Variants in L3MBTL3 observed in about 807,000 individuals in gnomAD.
L3MBTL3 encodes L3MBTL histone methyl-lysine binding protein 3, also known as lethal(3)malignant brain tumor-like protein 3.
L3MBTL3 carries 27 observed loss-of-function variants against 102.3 expected under a neutral mutation model. That is an observed-to-expected ratio of 0.26 (90% CI 0.19 to 0.36). The LOEUF (loss-of-function observed/expected upper bound fraction) is 0.36. L3MBTL3 is among the 10% of genes least tolerant of loss of function. The pLI is 1.00. For missense variants in L3MBTL3, 798 were observed against 955.3 expected (o/e 0.84, Z 2.17); for synonymous variants, 340 against 320.9 (o/e 1.06, Z -0.64).
chr6:130,052,799 C>A, intron 6 of L3MBTL3, 60 bp from the exon 7 acceptor site: 1 of 1,525,960 alleles, frequency 6.6e-7, no homozygotes, highest in Non-Finnish European at 8.8e-7. Context: ...TGATAATCAA[C>A]AAGTAGATGT....
intron 19 of L3MBTL3, among the ~76,000 whole-genome samples, chr6:130,111,871 C>T (rs562867171): frequency 1.3e-4 from 20 of 152,142 alleles, no homozygotes; most frequent in Middle Eastern, 3.2e-3. Flanking sequence ...AATGACTTCC[C>T]GTTATTCTTG....
At chr6:130,099,023 A>T (rs1012964014) in intron 18 of L3MBTL3, among the ~76,000 whole-genome samples, 1 of 151,994 alleles carries the variant, frequency 6.6e-6, no homozygotes, top group Non-Finnish European at 1.5e-5. Context: ...TAAAAATTAC[A>T]ATTAAAAGGG....
chr6:130,136,879 A>G (rs1787741097), intron 22 of L3MBTL3, among the ~76,000 whole-genome samples: 2 of 152,020 alleles, frequency 1.3e-5, no homozygotes, highest in African/African-American at 4.8e-5. Context: ...CAGCCTCCCA[A>G]AGTGCTGCAA....
chr6:130,123,820 C>G (rs1786409573), intron 20 of L3MBTL3, among the ~76,000 whole-genome samples: 1 of 152,026 alleles, frequency 6.6e-6, no homozygotes, highest in South Asian at 2.1e-4. Context: ...GGTCCGAAAC[C>G]AAGGCTTATA....
intron 17 of L3MBTL3, among the ~76,000 whole-genome samples, chr6:130,093,812 G>T (rs777071646): frequency 2.0e-5 from 3 of 152,210 alleles, no homozygotes; most frequent in Non-Finnish European, 4.4e-5. Context: ...TCAGAATGAG[G>T]GAGGGTCTGC....
chr6:130,110,760 T>C (rs1269861616), intron 19 of L3MBTL3, among the ~76,000 whole-genome samples: 1 of 152,248 alleles, frequency 6.6e-6, no homozygotes, highest in Non-Finnish European at 1.5e-5. Flanking sequence ...AGGGCATCCT[T>C]GTCTTGTGCC....
chr6:130,094,363 C>T lies in L3MBTL3; in HGVS notation c.1732C>T (p.His578Tyr), dbSNP rs760378260. Residue 578 changes from histidine to tyrosine, a missense_variant, in exon 18 of 23, where the codon CAC becomes TAC. His to Tyr is a moderately conservative substitution (Grantham distance 83). Transcript: ENST00000361794. ...CAAGAGAGCGAGACATCTGGGCCCT[C>T]ACAGGTATGTGGTAGCTGTCACTCA... ...HFKRARHLGP[H>Y]SAANCPYSEI... The T allele has an allele frequency of 2.5e-6, 4 of 1,612,072 alleles. No homozygotes were observed. The highest frequency in any genetic ancestry group is 1.7e-5 in the Admixed American group (1 of 59,950).
rs143825591 is a variant in L3MBTL3 at position 130,125,480 on chromosome 6, A to T, written c.1966+4522A>T. 1.2e-4 allele frequency among the ~76,000 whole-genome samples: 19 copies of T among 152,204 alleles called. No homozygotes were observed. In the South Asian group the frequency reaches 1.5e-3, roughly 12 times the overall value. On this transcript the variant is annotated intron_variant, in intron 20 of 22. Transcript: ENST00000361794. Reference sequence around the variant, plus strand: ...TCTAGAACTTTTTATCAGAGGCCCCATGGTAATTGTTTTCTGTTTGATCAT... The same window carrying T: ...TCTAGAACTTTTTATCAGAGGCCCCTTGGTAATTGTTTTCTGTTTGATCAT...
intron 19 of L3MBTL3, among the ~76,000 whole-genome samples, chr6:130,108,814 C>A (rs1785163584): frequency 6.6e-6 from 1 of 152,032 alleles, no homozygotes; most frequent in East Asian, 1.9e-4. Flanking sequence ...TTTTAAGCCC[C>A]ACATGCCTTA....
intron 9 of L3MBTL3, among the ~76,000 whole-genome samples, chr6:130,058,117 T>TC (rs1434228937): frequency 7.9e-6 from 1 of 127,112 alleles, no homozygotes; most frequent in African/African-American, 3.3e-5. Flanking sequence ...CAGTCCGCAG[T>TC]CCGGCCTGGG....
chr6:130,127,569 G>C (rs542711257), intron 20 of L3MBTL3, among the ~76,000 whole-genome samples: 2 of 152,118 alleles, frequency 1.3e-5, no homozygotes, highest in East Asian at 3.9e-4. Flanking sequence ...AATAGAGGCA[G>C]GCCTTTATCA....
intron 5 of L3MBTL3, among the ~76,000 whole-genome samples, chr6:130,050,948 T>G (rs546425794): frequency 1.3e-5 from 2 of 152,244 alleles, no homozygotes; most frequent in African/African-American, 4.8e-5. Context: ...TAGATCGATA[T>G]ATGCGTCTTC....
chr6:130,104,923 C>T (rs1183637714), intron 19 of L3MBTL3, among the ~76,000 whole-genome samples: 1 of 152,046 alleles, frequency 6.6e-6, no homozygotes, highest in Admixed American at 6.6e-5. Context: ...CAACCTTTAT[C>T]AGTAAAGTAG....
At chr6:130,023,968 T>A (rs1322037449) in intron 2 of L3MBTL3, among the ~76,000 whole-genome samples, 2 of 152,152 alleles carry the variant, frequency 1.3e-5, no homozygotes, top group African/African-American at 4.8e-5. Context: ...AACCGGAAAT[T>A]TATTTATCCC....
At chr6:130,072,637 A>AGTC (rs1484229672) in intron 13 of L3MBTL3, among the ~76,000 whole-genome samples, 5 of 152,066 alleles carry the variant, frequency 3.3e-5, no homozygotes, top group African/African-American at 1.2e-4. Context: ...AACAATTATC[A>AGTC]ACTTATATCC....
At chr6:130,114,176 C>A (rs1009754205) in intron 19 of L3MBTL3, among the ~76,000 whole-genome samples, 1 of 152,138 alleles carries the variant, frequency 6.6e-6, no homozygotes, top group Admixed American at 6.5e-5. Flanking sequence ...TGTTTATGTA[C>A]CCCAAAGAGT....
At chr6:130,032,914 G>A (rs112082838) in intron 2 of L3MBTL3, among the ~76,000 whole-genome samples, 15 of 152,298 alleles carry the variant, frequency 9.8e-5, no homozygotes, top group African/African-American at 3.1e-4. Context: ...GACCGCTTGA[G>A]CCCAGGAGGT....
At chr6:130,090,171 C>T (rs371459524) in intron 16 of L3MBTL3, among the ~76,000 whole-genome samples, 1 of 151,462 alleles carries the variant, frequency 6.6e-6, no homozygotes, top group Non-Finnish European at 1.5e-5. Context: ...AAGAAAGACT[C>T]ATTGCAAAGA....
chr6:130,019,977 GGCGGCGGCGGCGGTC>G lies in L3MBTL3; in HGVS notation c.-95+1327_-95+1341del, dbSNP rs1229988180. ...GCGCGGGCGCGGGCGTGTGTCGGGA[GGCGGCGGCGGCGGTC>G]GCGGCGGCGGCGGCCGCGCCGGGGC... On this transcript the variant is annotated intron_variant, in intron 1 of 22. Transcript: ENST00000361794. 4.9e-3 allele frequency among the ~76,000 whole-genome samples: 657 copies of G among 134,670 alleles called. 18 individuals carry two copies. The East Asian group carries it at 0.059, about 12-fold the overall frequency. 88.3% of individuals were successfully genotyped at this position (134,670 alleles called of 152,430 possible).
Sources: gnomAD v4.1 joint callset for allele counts (sites outside exome capture counted in the v4.1 genomes callset) on GRCh38, gnomAD v4.1.1 for gene constraint, MANE v1.5 for transcripts, NCBI Gene and HGNC (gene_info 2026-07-23, HGNC 2026-07-21) for gene names.